The following PISD variants were observed in gnomAD, a reference collection of about 807,000 sequenced individuals.
PISD encodes phosphatidylserine decarboxylase.
PISD carries 31 observed loss-of-function variants against 43.5 expected under a neutral mutation model. That is an observed-to-expected ratio of 0.71 (90% CI 0.54 to 0.96). The LOEUF is 0.96. Among genes scored for constraint, PISD ranks in the 40% least tolerant of loss-of-function variants. PISD has a pLI of 0.00. For synonymous variants in PISD, 259 were observed against 228.7 expected, an observed-to-expected ratio of 1.13 and a Z score of -1.20; for missense variants, 523 against 548.4, an observed-to-expected ratio of 0.95 and a Z score of 0.46.
At chr22:31,620,388 A>G (rs564200899) in intron 7 of PISD, among the ~76,000 whole-genome samples, 165 bp downstream of exon 7, 3 of 152,344 alleles carry the variant, frequency 2.0e-5, no homozygotes, top group African/African-American at 7.2e-5. Flanking sequence ...GCTGGCTGGC[A>G]GGTGGAGCGG....
intron 3 of PISD, chr22:31,638,773 C>A (rs2073595482): frequency 5.8e-6 from 1 of 173,704 alleles, no homozygotes; most frequent in East Asian, 1.9e-4. Context: ...AGGCACACAC[C>A]ACCACCCCTG....
Position 31,619,683 on chromosome 22 carries a change from G to T in PISD, c.1159C>A (p.Pro387Thr). The change falls in exon 8 of 8, where the codon CCC becomes ACC. Residue 387 changes from proline (P) to threonine (T), a missense_variant. Coordinates refer to ENST00000439502, the MANE Select transcript of PISD (RefSeq NM_001326411.2). ...GSTIVLIFEAPKDFNFQLKTG... is the reference protein window; with the variant it reads ...GSTIVLIFEATKDFNFQLKTG... ...TTCAGCTGGAAATTGAAGTCCTTGG[G>T]GGCCTCGAAGATGAGCACGATGGTG... The T allele has an allele frequency of 6.2e-7, 1 of 1,614,232 alleles. No individual in the cohort carries two copies. The highest frequency in any genetic ancestry group is 8.5e-7 in the Non-Finnish European group (1 of 1,180,036).
At chr22:31,657,353 T>C (rs2074208292) in intron 1 of PISD, among the ~76,000 whole-genome samples, 1 of 152,262 alleles carries the variant, frequency 6.6e-6, no homozygotes, top group Non-Finnish European at 1.5e-5. Flanking sequence ...GCCAGACTGA[T>C]CTTGAACTCC....
In PISD at chr22:31,619,279, C is replaced by A; in HGVS notation, c.*333G>T. ...AGGAGCAGCAAGAAAAAACGACAAC[C>A]GAGACCAACTGAAGGTTCGGTCAGG... On this transcript the variant is annotated 3_prime_UTR_variant, in exon 8 of 8. Coordinates refer to ENST00000439502, the MANE Select transcript of PISD (RefSeq NM_001326411.2). The A allele has an allele frequency of 2.8e-6, 1 of 354,084 alleles. No individual in the cohort carries two copies. The highest frequency in any genetic ancestry group is 5.5e-6 in the Non-Finnish European group (1 of 182,790). The allele number at this position is 354,084 out of a possible 1,614,324, so 21.9% of individuals were successfully genotyped here.
chr22:31,618,891 G>T lies in PISD; in HGVS notation c.*721C>A, dbSNP rs908398131. ...ACCTGCCTGCCCTGTTCACTCTGGT[G>T]CCATGAGGCAGGTTCAGTGATTGAT... is the stretch of plus-strand genomic sequence containing the variant. On this transcript the variant is annotated 3_prime_UTR_variant, in exon 8 of 8. Coordinates refer to ENST00000439502, the MANE Select transcript of PISD (RefSeq NM_001326411.2). 1 of 162,408 alleles carries T rather than the reference G, an allele frequency of 6.2e-6. No homozygotes were observed. The highest frequency in any genetic ancestry group is 1.3e-5 in the Non-Finnish European group (1 of 74,164). The allele number at this position is 162,408 out of a possible 1,614,324, so 10.1% of individuals were successfully genotyped here.
At chr22:31,637,164 AAT>A (rs61010566) in intron 3 of PISD, among the ~76,000 whole-genome samples, 13 of 13,652 alleles carry the variant, frequency 9.5e-4, no homozygotes, top group Non-Finnish European at 1.2e-3. Context: ...AAAAAAAAAA[AAT>A]ATATATATAT....
rs911201825 is a variant in PISD, at chr22:31,621,376, G to A, written c.655C>T (p.Leu219=). The A allele has an allele frequency of 1.1e-5, 18 of 1,614,116 alleles. No individual in the cohort carries two copies. Among genetic ancestry groups the A allele is most frequent in the Admixed American group, 1.7e-5 (1 of 60,026 alleles). ...TCCTCTGTGCACATACGCGGGCCCAGGAACGACTCCAGGGAGTAGGTGACC... is the reference window on the plus strand; with the variant it reads ...TCCTCTGTGCACATACGCGGGCCCAAGAACGACTCCAGGGAGTAGGTGACC... ...KGVTYSLESF[L]GPRMCTEDLP... is the part of the protein sequence containing the mutation. Residue 219 remains leucine, a synonymous_variant, in exon 5 of 8, where the codon CTG becomes TTG. Transcript: ENST00000439502.
intron 3 of PISD, chr22:31,638,400 C>G (rs1360420357): frequency 2.0e-6 from 2 of 985,334 alleles, no homozygotes; most frequent in African/African-American, 1.7e-5. Flanking sequence ...AAAGTGTCCA[C>G]CAAATGCCCT....
At position 31,641,622 on chromosome 22, in the gene PISD, C is replaced by T. The variant is rs372786659; in HGVS notation, c.321+6479G>A. On this transcript the variant is annotated intron_variant, in intron 3 of 7. Transcript: ENST00000439502. ...CTGAGGTCAAGAGTTCAAGAACAGC[C>T]TGGCCAACAATGGTGAAACCCGATC... Among the ~76,000 whole-genome samples, 269 of 146,756 alleles carry T rather than the reference C, an allele frequency of 1.8e-3. 2 individuals are homozygous for T. The highest frequency in any genetic ancestry group is 6.9e-3 in the African/African-American group (252 of 36,422).
At chr22:31,638,486 A>G (rs1601399202) in intron 3 of PISD, 3 of 985,548 alleles carry the variant, frequency 3.0e-6, no homozygotes, top group Non-Finnish European at 3.6e-6. Flanking sequence ...GAAGAGGGAG[A>G]AACGCTTGTT....
At chr22:31,637,781 T>A (rs1034210812) in intron 3 of PISD, among the ~76,000 whole-genome samples, 1 of 152,204 alleles carries the variant, frequency 6.6e-6, no homozygotes. Flanking sequence ...AAGAAGCAAG[T>A]GTCCCGCTCC....
chr22:31,640,096 C>T (rs936734020), intron 3 of PISD, among the ~76,000 whole-genome samples: 5 of 152,102 alleles, frequency 3.3e-5, no homozygotes, highest in Admixed American at 1.3e-4. Context: ...ATTCAAGCTG[C>T]GCACACTCCA....
rs190620381 is a variant in PISD, at chr22:31,637,202, T to C, written c.321+10899A>G. Among the ~76,000 whole-genome samples the C allele has an allele frequency of 6.9e-3, 637 of 92,400 alleles. 18 individuals carry two copies. The highest frequency in any genetic ancestry group is 9.0e-3 in the Non-Finnish European group (431 of 47,816). 60.6% of individuals were successfully genotyped at this position (92,400 alleles called of 152,430 possible). A position where few individuals can be genotyped will look rare whatever the true frequency, so the allele number is the denominator to read the frequency against. The stretch of plus-strand genomic sequence containing the variant: ...ATATATATATATATATATATATATA[T>C]ATATAGAAAAATTAGCCGGGCATGG... On this transcript the variant is annotated intron_variant, in intron 3 of 7. Transcript: ENST00000439502.
chr22:31,651,537 T>C (rs2074027954), intron 1 of PISD, among the ~76,000 whole-genome samples: 1 of 151,962 alleles, frequency 6.6e-6, no homozygotes, highest in Non-Finnish European at 1.5e-5. Context: ...TCACCTGAGG[T>C]TGGGAGTTCG....
At chr22:31,624,802 G>C (rs2147649089) in intron 3 of PISD, among the ~76,000 whole-genome samples, 1 of 147,294 alleles carries the variant, frequency 6.8e-6, no homozygotes, top group South Asian at 2.2e-4. Context: ...CTGTGATCCG[G>C]CCTCTCCCCA....
intron 3 of PISD, among the ~76,000 whole-genome samples, chr22:31,641,177 C>T (rs2073714930): frequency 6.6e-6 from 1 of 152,046 alleles, no homozygotes; most frequent in Non-Finnish European, 1.5e-5. Context: ...TTCACTCTTA[C>T]CATAGATCTT....
intron 3 of PISD, among the ~76,000 whole-genome samples, chr22:31,641,744 C>T (rs1250057037): frequency 2.0e-5 from 3 of 151,054 alleles, no homozygotes; most frequent in East Asian, 1.9e-4. Context: ...TGCTTGAACC[C>T]GGGAGGCGCA....
At position 31,619,398 on chromosome 22, in the gene PISD, C is replaced by A; in HGVS notation, c.*214G>T. The A allele has an allele frequency of 3.1e-6, 2 of 648,264 alleles. No homozygotes were observed. The highest frequency in any genetic ancestry group is 1.5e-5 in the South Asian group (1 of 65,028). 40.2% of individuals were successfully genotyped at this position (648,264 alleles called of 1,614,324 possible). On this transcript the variant is annotated 3_prime_UTR_variant, in exon 8 of 8. Transcript: ENST00000439502. Reference sequence around the variant, plus strand: ...ACTTTTTATTTGTAGGCAGAAGGAACGGGATAGGTTGAGGGGCATGATGGG... The same window carrying A: ...ACTTTTTATTTGTAGGCAGAAGGAAAGGGATAGGTTGAGGGGCATGATGGG...
chr22:31,625,507 C>T (rs1009472253), intron 3 of PISD: 5 of 587,150 alleles, frequency 8.5e-6, no homozygotes, highest in African/African-American at 1.9e-5. Flanking sequence ...TAGGGAAGAT[C>T]GCAGGCATGA....
Sources: gnomAD v4.1 joint callset for allele counts (sites outside exome capture counted in the v4.1 genomes callset) on GRCh38, gnomAD v4.1.1 for gene constraint, MANE v1.5 for transcripts, NCBI Gene and HGNC (gene_info 2026-07-23, HGNC 2026-07-21) for gene names.